CLIC5: variants seen among roughly 807,000 people sequenced by gnomAD.
CLIC5 encodes CLIC family member 5, also known as chloride intracellular channel protein 5.
In CLIC5, 20 loss-of-function variants were observed where a neutral mutation model predicts 24.7. The ratio of observed to expected loss-of-function variants is 0.81; its 90% CI spans 0.57 to 1.18. CLIC5 has a LOEUF of 1.18. Among genes scored for constraint, CLIC5 ranks in the 50% most tolerant of loss-of-function variants. The probability of loss-of-function intolerance (pLI) is 0.00; values close to 1 mark genes in which losing one functional copy is unlikely to be tolerated. For synonymous variants in CLIC5, 159 were observed against 135.6 expected, an observed-to-expected ratio of 1.17 and a Z score of -1.20; for missense variants, 341 against 326.1, an observed-to-expected ratio of 1.05 and a Z score of -0.35.
intron 4 of CLIC5, 70 bp downstream of exon 4, chr6:45,941,477 G>T: frequency 8.4e-7 from 1 of 1,191,736 alleles, no homozygotes; most frequent in South Asian, 1.2e-5. Context: ...ATGCCTATGG[G>T]CAAATTGAAG....
chr6:45,929,045 C>T (rs1763623222), intron 4 of CLIC5, among the ~76,000 whole-genome samples: 1 of 152,100 alleles, frequency 6.6e-6, no homozygotes, highest in Non-Finnish European at 1.5e-5. Context: ...GGTCTCCGCT[C>T]TACTCCAGTC....
intron 1 of CLIC5, among the ~76,000 whole-genome samples, chr6:45,995,906 G>A (rs544559055): frequency 1.3e-5 from 2 of 152,168 alleles, no homozygotes; most frequent in South Asian, 4.2e-4. Flanking sequence ...AGTGGGAGCT[G>A]AATAATGAGA....
rs983081500 is a variant in CLIC5, at chr6:45,900,342, A to G, written c.*2746T>C. On this transcript the variant is annotated 3_prime_UTR_variant, in exon 6 of 6. Transcript: ENST00000339561. ...AGCGATTTGTATTCATTCAGGACCAATGAAAAGGAAGCCTCCTACCCTATA... is the reference window on the plus strand; with the variant it reads ...AGCGATTTGTATTCATTCAGGACCAGTGAAAAGGAAGCCTCCTACCCTATA... 2.0e-5 allele frequency: 3 copies of G among 152,116 alleles called. No homozygotes were observed. The highest frequency in any genetic ancestry group is 4.4e-5 in the Non-Finnish European group (3 of 68,024). The allele number at this position is 152,116 out of a possible 1,614,324, so 9.4% of individuals were successfully genotyped here. A position where few individuals can be genotyped will look rare whatever the true frequency, so the allele number is the denominator to read the frequency against.
chr6:46,108,401 T>TGTGA, the CLIC5 span, among the ~76,000 whole-genome samples: 645 of 141,740 alleles, frequency 4.6e-3, 5 homozygotes, highest in African/African-American at 0.016. Context: ...TGTGTGTGTG[T>TGTGA]GAGAGAGAGA....
At chr6:45,908,102 C>G (rs1762712030) in intron 5 of CLIC5, among the ~76,000 whole-genome samples, 1 of 152,098 alleles carries the variant, frequency 6.6e-6, no homozygotes, top group Non-Finnish European at 1.5e-5. Flanking sequence ...TTTCTGTGAG[C>G]TCAATTGTAA....
chr6:45,974,522 T>TATATATAGAGAG (rs1339415709), intron 1 of CLIC5, among the ~76,000 whole-genome samples: 1 of 66,002 alleles, frequency 1.5e-5, no homozygotes, highest in African/African-American at 6.2e-5. Context: ...TATATATATA[T>TATATATAGAGAG]AGAGAGAGAG....
At chr6:45,942,872 T>A (rs1183469840) in intron 3 of CLIC5, among the ~76,000 whole-genome samples, 1 of 152,226 alleles carries the variant, frequency 6.6e-6, no homozygotes, top group Non-Finnish European at 1.5e-5. Context: ...GTCCTCCTTT[T>A]ACATGGAAGG....
At chr6:45,966,638 G>C (rs1765024165) in intron 1 of CLIC5, among the ~76,000 whole-genome samples, 1 of 152,028 alleles carries the variant, frequency 6.6e-6, no homozygotes, top group Non-Finnish European at 1.5e-5. Flanking sequence ...TTAGGACGTT[G>C]TTTCTCCCTC....
intron 1 of CLIC5, among the ~76,000 whole-genome samples, chr6:46,013,678 G>A (rs1460483799): frequency 6.6e-6 from 1 of 152,162 alleles, no homozygotes; most frequent in African/African-American, 2.4e-5. Flanking sequence ...CTCCAACACT[G>A]CCAACAAGAA....
chr6:46,043,207 C>A (rs1234818299), intron 1 of CLIC5, among the ~76,000 whole-genome samples: 2 of 152,132 alleles, frequency 1.3e-5, no homozygotes, highest in Admixed American at 1.3e-4. Flanking sequence ...TTATTGAGCA[C>A]CCTCTGTGTA....
chr6:46,033,766 T>C (rs1178767745), intron 1 of CLIC5, among the ~76,000 whole-genome samples: 1 of 152,256 alleles, frequency 6.6e-6, no homozygotes, highest in Non-Finnish European at 1.5e-5. Flanking sequence ...TGGGAGAGTC[T>C]TTCCTGCATT....
At chr6:46,018,641 T>C (rs953503555), upstream of CLIC5, 1 of 152,252 alleles carries the variant, frequency 6.6e-6, no homozygotes, top group African/African-American at 2.4e-5. Context: ...TCTAGCTTTG[T>C]CTGGAGAAAA....
intron 1 of CLIC5, among the ~76,000 whole-genome samples, chr6:45,977,478 A>T (rs1765423449): frequency 6.6e-6 from 1 of 152,230 alleles, no homozygotes; most frequent in African/African-American, 2.4e-5. Context: ...ATATGATACA[A>T]TATCCTAAAT....
At chr6:45,931,608 G>A (rs1307986271) in intron 4 of CLIC5, among the ~76,000 whole-genome samples, 1 of 152,142 alleles carries the variant, frequency 6.6e-6, no homozygotes, top group Non-Finnish European at 1.5e-5. Context: ...GAGGTTAAGT[G>A]AAAACACTTT....
intron 1 of CLIC5, among the ~76,000 whole-genome samples, chr6:45,984,495 T>C (rs1482380679): frequency 6.6e-6 from 1 of 152,202 alleles, no homozygotes; most frequent in African/African-American, 2.4e-5. Flanking sequence ...AAAATGAGAA[T>C]GACACTTGTA....
intron 1 of CLIC5, among the ~76,000 whole-genome samples, chr6:46,002,322 C>A (rs986942891): frequency 6.6e-6 from 1 of 152,112 alleles, no homozygotes; most frequent in Non-Finnish European, 1.5e-5. Flanking sequence ...GAAGAGCCGA[C>A]TGGAATAGAT....
chr6:46,128,106 T>C, the CLIC5 span, among the ~76,000 whole-genome samples: 5 of 152,198 alleles, frequency 3.3e-5, no homozygotes, highest in Non-Finnish European at 7.3e-5. Flanking sequence ...TTGGTTGTGG[T>C]TGAAATGGTA....
intron 3 of CLIC5, among the ~76,000 whole-genome samples, chr6:45,944,225 A>G (rs1764219292): frequency 6.6e-6 from 1 of 152,230 alleles, no homozygotes; most frequent in African/African-American, 2.4e-5. Flanking sequence ...GAAAAAAATC[A>G]AAAGGAGGAT....
At chr6:45,912,764 G>C (rs1418419395) in intron 5 of CLIC5, 1 of 1,444,512 alleles carries the variant, frequency 6.9e-7, no homozygotes, top group Non-Finnish European at 9.4e-7. Context: ...AATAAAGGAT[G>C]ATGGGTGGGG....
Sources: gnomAD v4.1 joint callset for allele counts (sites outside exome capture counted in the v4.1 genomes callset) on GRCh38, gnomAD v4.1.1 for gene constraint, MANE v1.5 for transcripts, NCBI Gene and HGNC (gene_info 2026-07-23, HGNC 2026-07-21) for gene names.